Variants in TMEM87A observed in about 807,000 individuals in gnomAD.
TMEM87A encodes Golgi-pH regulating cation channel.
TMEM87A carries 50 observed loss-of-function variants against 90.0 expected under a neutral mutation model. The ratio of observed to expected loss-of-function variants is 0.56; its 90% CI spans 0.44 to 0.70. The LOEUF is 0.70. Ranked by LOEUF, TMEM87A falls within the 30% of genes least tolerant of loss-of-function variation. The pLI is 0.00. For missense variants in TMEM87A, 577 were observed against 660.5 expected (o/e 0.87, Z 1.39); for synonymous variants, 226 against 226.7 (o/e 1.00, Z 0.03).
intron 9 of TMEM87A, among the ~76,000 whole-genome samples, chr15:42,237,075 A>T (rs1215807069): frequency 2.6e-5 from 4 of 152,224 alleles, no homozygotes; most frequent in African/African-American, 9.6e-5. Flanking sequence ...TTTTAAATCA[A>T]GGTGTGTCTT....
Position 42,264,699 on chromosome 15 carries a change from A to ATATATATATATATATT in TMEM87A, c.292-497_292-496insAATATATATATATATA, listed in dbSNP as rs10681614. On this transcript the variant is annotated intron_variant, in intron 3 of 19. Transcript: ENST00000389834. ...TATGTGTGTGTATATATATATATAT[A>ATATATATATATATATT]TTTTTTTTTTAACTTTTATTTTAGG... 8.8e-4 allele frequency among the ~76,000 whole-genome samples: 96 copies of ATATATATATATATATT among 109,422 alleles called. 1 individual carries two copies. The highest frequency in any genetic ancestry group is 2.5e-3 in the African/African-American group (80 of 32,506). The allele number at this position is 109,422 out of a possible 152,430, so 71.8% of individuals were successfully genotyped here.
intron 6 of TMEM87A, among the ~76,000 whole-genome samples, chr15:42,259,977 T>A (rs541510771): frequency 1.3e-4 from 19 of 148,820 alleles, no homozygotes; most frequent in Admixed American, 1.2e-3. Flanking sequence ...CTGATGAGTA[T>A]GGGGCTACTT....
chr15:42,260,979 A>C lies in TMEM87A; in HGVS notation c.483T>G (p.Leu161=). 1 of 1,608,678 alleles carries C rather than the reference A, an allele frequency of 6.2e-7. No homozygotes were observed. Among genetic ancestry groups the C allele is most frequent in the South Asian group, 1.1e-5 (1 of 89,772 alleles). ...KQEAKENGTN[L]TFIGDKTAMH... The stretch of plus-strand genomic sequence containing the variant: ...TTACGGTTTTGTCTCCAATAAAGGT[A>C]AGGTTTGTTCCATTCTCCTTAGCCT... Residue 161 remains leucine, a synonymous_variant, in exon 6 of 20, where the codon CTT becomes CTG. Transcript: ENST00000389834.
chr15:42,231,978 A>C, intron 11 of TMEM87A: 1 of 917,848 alleles, frequency 1.1e-6, no homozygotes, highest in Non-Finnish European at 1.5e-6. Context: ...TAGAAGTCTA[A>C]GAGAATTACA....
intron 15 of TMEM87A, among the ~76,000 whole-genome samples, chr15:42,220,967 A>T (rs986516105): frequency 6.6e-6 from 1 of 151,612 alleles, no homozygotes; most frequent in Admixed American, 6.6e-5. Context: ...AATTTTTTGC[A>T]TTTTTTTATT....
chr15:42,241,503 T>C (rs2050866699), intron 7 of TMEM87A, among the ~76,000 whole-genome samples: 1 of 152,190 alleles, frequency 6.6e-6, no homozygotes, highest in Non-Finnish European at 1.5e-5. Flanking sequence ...AGTGGTGTTT[T>C]GACATAAGGC....
At chr15:42,247,067 G>GT in intron 6 of TMEM87A, among the ~76,000 whole-genome samples, 1 of 151,836 alleles carries the variant, frequency 6.6e-6, no homozygotes, top group African/African-American at 2.4e-5. Flanking sequence ...TTTTTTTCAT[G>GT]TGTCTGTTGG....
chr15:42,215,630 G>A (rs1249170039), intron 19 of TMEM87A, among the ~76,000 whole-genome samples: 2 of 151,902 alleles, frequency 1.3e-5, no homozygotes, highest in African/African-American at 4.8e-5. Context: ...TGGCTGACAG[G>A]TATATAAAAA....
intron 15 of TMEM87A, among the ~76,000 whole-genome samples, chr15:42,225,160 G>A (rs372251764): frequency 2.0e-5 from 3 of 152,164 alleles, no homozygotes; most frequent in South Asian, 2.1e-4. Flanking sequence ...CATTTTCATG[G>A]AGTAAAAGGA....
At chr15:42,269,506 A>C (rs577502011) in intron 2 of TMEM87A, among the ~76,000 whole-genome samples, 5 of 152,246 alleles carry the variant, frequency 3.3e-5, no homozygotes, top group African/African-American at 4.8e-5. Flanking sequence ...AAAATAATCC[A>C]TACAGGGACA....
chr15:42,225,505 C>T (rs1163149214), intron 15 of TMEM87A, among the ~76,000 whole-genome samples: 1 of 152,176 alleles, frequency 6.6e-6, no homozygotes, highest in East Asian at 1.9e-4. Flanking sequence ...AGACACTAGA[C>T]AGGAGAGACT....
At chr15:42,216,527 A>C (rs2050386163) in intron 19 of TMEM87A, among the ~76,000 whole-genome samples, 1 of 152,238 alleles carries the variant, frequency 6.6e-6, no homozygotes, top group Non-Finnish European at 1.5e-5. Context: ...ATCAGGTTTC[A>C]ATTAATCAGC....
chr15:42,219,205 G>GT (rs1282799944), intron 17 of TMEM87A, among the ~76,000 whole-genome samples: 1 of 152,132 alleles, frequency 6.6e-6, no homozygotes, highest in East Asian at 1.9e-4. Flanking sequence ...ATTTGTAGGT[G>GT]TTATGTTAAG....
chr15:42,244,533 C>A (rs936092170), intron 6 of TMEM87A, among the ~76,000 whole-genome samples: 5 of 151,438 alleles, frequency 3.3e-5, no homozygotes, highest in Admixed American at 6.6e-5. Flanking sequence ...ATTTAAATCA[C>A]CTTAAACAAA....
chr15:42,262,438 C>CT (rs146641481), intron 4 of TMEM87A, among the ~76,000 whole-genome samples: 3 of 125,896 alleles, frequency 2.4e-5, no homozygotes, highest in African/African-American at 8.6e-5. Flanking sequence ...TCAATTATCC[C>CT]TTTTTTTTTT....
At chr15:42,256,280 A>T (rs1033536930) in intron 6 of TMEM87A, among the ~76,000 whole-genome samples, 6 of 152,116 alleles carry the variant, frequency 3.9e-5, no homozygotes, top group African/African-American at 1.2e-4. Context: ...AGCTGGGATT[A>T]CAGGTGTACC....
chr15:42,225,479 A>C (rs1163373269), intron 15 of TMEM87A, among the ~76,000 whole-genome samples: 3 of 152,118 alleles, frequency 2.0e-5, no homozygotes, highest in African/African-American at 7.2e-5. Context: ...TGGTTACAGA[A>C]ATTTTCTTTC....
Position 42,237,506 on chromosome 15 carries a change from A to G in TMEM87A, c.794T>C (p.Val265Ala), listed in dbSNP as rs1268400643. The change falls in exon 9 of 20, where the codon GTC (valine) becomes GCC (alanine). Residue 265 changes from valine to alanine, a missense_variant. By Grantham distance (64) the Val-to-Ala change is moderately conservative. Coordinates refer to ENST00000389834, the MANE Select transcript of TMEM87A (RefSeq NM_015497.5). ...LLRIQFWIGA[V>A]IFLGMLEKAV... The stretch of plus-strand genomic sequence containing the variant: ...TTTCTCAAGCATTCCCAGGAAGATG[A>G]CAGCACCAATCCAAAACTGAATTCT... 3 of 1,614,146 alleles carry G rather than the reference A, an allele frequency of 1.9e-6. No homozygotes were observed. The highest frequency in any genetic ancestry group is 2.5e-6 in the Non-Finnish European group (3 of 1,180,034).
rs2050292244 is a variant in TMEM87A at position 42,211,763 on chromosome 15, A to G, written c.1627-14T>C. 3 of 1,612,236 alleles carry G rather than the reference A, an allele frequency of 1.9e-6. No individual in the cohort carries two copies. Among genetic ancestry groups the G allele is most frequent in the Non-Finnish European group, 2.5e-6 (3 of 1,179,262 alleles). ...GATCATTCGTTCCTAGGGAAAAAAA[A>G]AAAGGTTGAAGTATATTAGGTTAAA... On this transcript the variant is annotated splice_polypyrimidine_tract_variant and intron_variant, in intron 19 of 19. Transcript: ENST00000389834.
Sources: gnomAD v4.1 joint callset for allele counts (sites outside exome capture counted in the v4.1 genomes callset) on GRCh38, gnomAD v4.1.1 for gene constraint, MANE v1.5 for transcripts, NCBI Gene and HGNC (gene_info 2026-07-23, HGNC 2026-07-21) for gene names.